NDFIP1: variants seen among roughly 807,000 people sequenced by gnomAD.
The protein encoded by NDFIP1 is NEDD4 family-interacting protein 1.
A neutral mutation model predicts 28.8 loss-of-function variants in NDFIP1; 7 were observed. That is an observed-to-expected ratio of 0.24 (90% confidence interval 0.14 to 0.46). NDFIP1 has a LOEUF of 0.46. Among genes scored for constraint, NDFIP1 ranks in the 20% least tolerant of loss-of-function variants. The pLI is 0.99. For missense variants in NDFIP1, 194 were observed against 269.1 expected (o/e 0.72, Z 1.95); for synonymous variants, 92 against 101.0 (o/e 0.91, Z 0.53).
chr5:142,118,648 C>T (rs1757093134), intron 1 of NDFIP1, among the ~76,000 whole-genome samples: 1 of 152,166 alleles, frequency 6.6e-6, no homozygotes, highest in Admixed American at 6.5e-5. Context: ...TATGCATGGT[C>T]CACACATAAG....
At chr5:142,133,332 C>T (rs1433249446) in intron 3 of NDFIP1, among the ~76,000 whole-genome samples, 3 of 152,202 alleles carry the variant, frequency 2.0e-5, no homozygotes, top group Admixed American at 6.5e-5. Flanking sequence ...ATGTAACTGC[C>T]GTATATTGGA....
intron 1 of NDFIP1, among the ~76,000 whole-genome samples, chr5:142,128,508 C>T (rs1757193323): frequency 1.3e-5 from 2 of 152,134 alleles, no homozygotes. Flanking sequence ...TTAAGGATTC[C>T]ATTGTTCAGC....
intron 1 of NDFIP1, among the ~76,000 whole-genome samples, chr5:142,125,749 G>T (rs577937489): frequency 2.6e-5 from 4 of 152,260 alleles, no homozygotes; most frequent in Non-Finnish European, 5.9e-5. Flanking sequence ...TAGAGTTCCC[G>T]TTTCTCCACA....
intron 1 of NDFIP1, among the ~76,000 whole-genome samples, chr5:142,118,596 T>C (rs1263935077): frequency 1.3e-5 from 2 of 152,144 alleles, no homozygotes; most frequent in East Asian, 3.8e-4. Flanking sequence ...TAAAGATACG[T>C]TTTACCCCAC....
intron 1 of NDFIP1, among the ~76,000 whole-genome samples, chr5:142,121,795 GA>G (rs760337032): frequency 6.6e-6 from 1 of 152,194 alleles, no homozygotes; most frequent in Admixed American, 6.5e-5. Context: ...ACTTTTCATA[GA>G]TGCGAACTGG....
intron 4 of NDFIP1, among the ~76,000 whole-genome samples, chr5:142,137,112 A>C (rs746401755): frequency 6.0e-5 from 9 of 149,982 alleles, no homozygotes; most frequent in Non-Finnish European, 1.2e-4. Flanking sequence ...GTAAGTATAC[A>C]GTTTGGTGAA....
At chr5:142,147,651 TGTTGA>T (rs1431066219) in intron 7 of NDFIP1, among the ~76,000 whole-genome samples, 3 of 152,206 alleles carry the variant, frequency 2.0e-5, no homozygotes, top group Non-Finnish European at 4.4e-5. Flanking sequence ...GTCAGAAGGT[TGTTGA>T]GTTTTTGCCT....
At chr5:142,123,351 C>A (rs1331815847) in intron 1 of NDFIP1, among the ~76,000 whole-genome samples, 4 of 152,112 alleles carry the variant, frequency 2.6e-5, no homozygotes, top group Admixed American at 6.6e-5. Flanking sequence ...CCAGGCTGGT[C>A]TTGAACTCCT....
intron 1 of NDFIP1, among the ~76,000 whole-genome samples, chr5:142,126,571 T>C (rs1757171121): frequency 6.6e-6 from 1 of 152,226 alleles, no homozygotes; most frequent in Non-Finnish European, 1.5e-5. Context: ...TGATACCTTT[T>C]CTCATATATA....
At chr5:142,129,552 T>C (rs893445826) in intron 1 of NDFIP1, among the ~76,000 whole-genome samples, 8 of 152,170 alleles carry the variant, frequency 5.3e-5, no homozygotes, top group Non-Finnish European at 8.8e-5. Flanking sequence ...ATTGAAGCTT[T>C]TGTAGTATTA....
intron 1 of NDFIP1, among the ~76,000 whole-genome samples, chr5:142,128,163 C>A (rs892004464): frequency 1.3e-5 from 2 of 152,148 alleles, no homozygotes; most frequent in African/African-American, 4.8e-5. Context: ...GTATCCCCTA[C>A]AACCCAGATT....
chr5:142,110,259 C>T (rs1756999441), intron 1 of NDFIP1, among the ~76,000 whole-genome samples: 3 of 152,184 alleles, frequency 2.0e-5, no homozygotes, highest in Admixed American at 2.0e-4. Context: ...ATCCTTAGAT[C>T]TCTTCAGAGC....
chr5:142,124,261 T>G (rs765996773), intron 1 of NDFIP1, among the ~76,000 whole-genome samples: 5 of 152,190 alleles, frequency 3.3e-5, no homozygotes, highest in African/African-American at 4.8e-5. Context: ...AACCTTGCAG[T>G]GCTACTACCA....
chr5:142,141,805 C>T (rs1757334468), intron 6 of NDFIP1, among the ~76,000 whole-genome samples: 1 of 152,032 alleles, frequency 6.6e-6, no homozygotes, highest in Admixed American at 6.5e-5. Context: ...GCTAGGACAT[C>T]CTGGCACCCA....
In NDFIP1 at chr5:142,153,733, T is replaced by C. The variant is rs1218427214; in HGVS notation, c.*2005T>C. ...CAATCTGAATAGATGTGGACACATA[T>C]AGCAGAGAGAACTATGTAAATTATC... is the stretch of plus-strand genomic sequence containing the variant. On this transcript the variant is annotated 3_prime_UTR_variant, in exon 8 of 8. Coordinates refer to ENST00000253814, the MANE Select transcript of NDFIP1 (RefSeq NM_030571.4). The C allele has an allele frequency of 1.6e-5, 3 of 187,888 alleles. No homozygotes were observed. Among genetic ancestry groups the C allele is most frequent in the Non-Finnish European group, 2.3e-5 (2 of 88,458 alleles). 11.6% of individuals were successfully genotyped at this position (187,888 alleles called of 1,614,324 possible).
intron 7 of NDFIP1, 58 bp from the exon 8 acceptor site, chr5:142,151,668 CCTTCT>C (rs1475706405): frequency 6.6e-6 from 1 of 152,424 alleles, no homozygotes; most frequent in Non-Finnish European, 1.5e-5. Context: ...GTGACTACAT[CCTTCT>C]CTTAGCCAAA....
At chr5:142,115,407 C>T (rs1467128089) in intron 1 of NDFIP1, among the ~76,000 whole-genome samples, 1 of 152,098 alleles carries the variant, frequency 6.6e-6, no homozygotes, top group Non-Finnish European at 1.5e-5. Context: ...CCTCAGCCTC[C>T]TGAGTAGCTG....
Position 142,108,846 on chromosome 5 carries a change from A to AGCG in NDFIP1, c.-120_-118dup, listed in dbSNP as rs1756979592. Reference sequence around the variant, plus strand: ...GCCTGAGAAGAGCGTCTCGCCCGGGAGCGGCGGCGGCCATCGAGACCCACC... The same window carrying AGCG: ...GCCTGAGAAGAGCGTCTCGCCCGGGAGCGGCGGCGGCGGCCATCGAGACCCACC... On this transcript the variant is annotated 5_prime_UTR_variant, in exon 1 of 8. Coordinates refer to ENST00000253814, the MANE Select transcript of NDFIP1 (RefSeq NM_030571.4). 5 of 686,944 alleles carry AGCG rather than the reference A, an allele frequency of 7.3e-6. No homozygotes were observed. The highest frequency in any genetic ancestry group is 1.1e-5 in the Non-Finnish European group (5 of 474,372). The allele number at this position is 686,944 out of a possible 1,614,324, so 42.6% of individuals were successfully genotyped here.
rs116171824 is a variant in NDFIP1 at position 142,123,929 on chromosome 5, G to A, written c.64-7879G>A. Among the ~76,000 whole-genome samples the A allele has an allele frequency of 2.5e-3, 387 of 152,278 alleles. 1 individual carries two copies. The highest frequency in any genetic ancestry group is 4.2e-3 in the Non-Finnish European group (283 of 68,028). ...CTCACATTACTGAGGATATGGACTG[G>A]TTATAAATAGTGTAGATGCTACTTC... On this transcript the variant is annotated intron_variant, in intron 1 of 7. Coordinates refer to ENST00000253814, the MANE Select transcript of NDFIP1 (RefSeq NM_030571.4).
Sources: gnomAD v4.1 joint callset for allele counts (sites outside exome capture counted in the v4.1 genomes callset) on GRCh38, gnomAD v4.1.1 for gene constraint, MANE v1.5 for transcripts, NCBI Gene and HGNC (gene_info 2026-07-23, HGNC 2026-07-21) for gene names.